FSTL5: variants seen among roughly 807,000 people sequenced by gnomAD.
FSTL5 encodes follistatin-related protein 5.
In FSTL5, 62 loss-of-function variants were observed where a neutral mutation model predicts 89.1. The ratio of observed to expected loss-of-function variants is 0.70; its 90% CI spans 0.57 to 0.86. FSTL5 has a LOEUF of 0.86. Among genes scored for constraint, FSTL5 ranks in the 40% least tolerant of loss-of-function variants. The probability of loss-of-function intolerance (pLI) is 0.00; values close to 1 mark genes in which losing one functional copy is unlikely to be tolerated. For synonymous variants in FSTL5, 383 were observed against 346.2 expected (o/e 1.11, Z -1.18); for missense variants, 1,057 against 1,001.6 (o/e 1.06, Z -0.75).
intron 4 of FSTL5, among the ~76,000 whole-genome samples, chr4:161,792,305 T>C (rs1180024642): frequency 6.6e-6 from 1 of 151,326 alleles, no homozygotes; most frequent in Non-Finnish European, 1.5e-5. Flanking sequence ...GGATGGGGGG[T>C]TGAGGGCAAC....
chr4:161,745,737 T>G (rs1165157581), intron 6 of FSTL5, among the ~76,000 whole-genome samples: 2 of 151,976 alleles, frequency 1.3e-5, no homozygotes, highest in African/African-American at 4.8e-5. Flanking sequence ...ATTTTATATA[T>G]CCTAGCAAAT....
At chr4:161,543,387 T>A (rs1731899442) in intron 8 of FSTL5, among the ~76,000 whole-genome samples, 1 of 151,856 alleles carries the variant, frequency 6.6e-6, no homozygotes, top group Non-Finnish European at 1.5e-5. Context: ...ACTCCCAAGT[T>A]GACAAAGACA....
Position 162,001,060 on chromosome 4 carries a change from CACAA to C in FSTL5, c.160+32561_160+32564del, listed in dbSNP as rs1183705243. Among the ~76,000 whole-genome samples, 4 of 152,332 alleles carry C rather than the reference CACAA, an allele frequency of 2.6e-5. No individual in the cohort carries two copies. In the South Asian group the frequency reaches 6.2e-4, roughly 24 times the overall value. The stretch of plus-strand genomic sequence containing the variant: ...ATGCATCTTAAACTAAGTGGACCAG[CACAA>C]ACAGTTTTTAATTAGGTTTCAAAAA... On this transcript the variant is annotated intron_variant, in intron 3 of 15. Coordinates refer to ENST00000306100, the MANE Select transcript of FSTL5 (RefSeq NM_020116.5).
intron 3 of FSTL5, among the ~76,000 whole-genome samples, chr4:161,969,670 C>A (rs145889452): frequency 3.9e-4 from 59 of 152,178 alleles, no homozygotes; most frequent in African/African-American, 1.4e-3. Context: ...ATAATCCACA[C>A]GTATTTCCTG....
At chr4:161,927,016 A>G (rs1425604952) in intron 3 of FSTL5, among the ~76,000 whole-genome samples, 2 of 151,818 alleles carry the variant, frequency 1.3e-5, no homozygotes, top group Non-Finnish European at 1.5e-5. Flanking sequence ...GATAACTAAG[A>G]TTTGTGAATA....
At chr4:161,560,585 A>AT (rs1165145069) in intron 8 of FSTL5, among the ~76,000 whole-genome samples, 7 of 151,734 alleles carry the variant, frequency 4.6e-5, no homozygotes, top group African/African-American at 1.7e-4. Flanking sequence ...TGTTTATACA[A>AT]TTTTTTAATT....
chr4:161,430,171 C>T (rs1732307365), intron 15 of FSTL5, among the ~76,000 whole-genome samples: 1 of 151,224 alleles, frequency 6.6e-6, no homozygotes, highest in Non-Finnish European at 1.5e-5. Context: ...AGCTTGAAGA[C>T]AGGCTATTTG....
At chr4:162,109,985 A>G (rs943240716) in intron 2 of FSTL5, among the ~76,000 whole-genome samples, 1 of 152,024 alleles carries the variant, frequency 6.6e-6, no homozygotes, top group Non-Finnish European at 1.5e-5. Flanking sequence ...TTATTAGTCC[A>G]TGAGGTAGGA....
intron 6 of FSTL5, among the ~76,000 whole-genome samples, chr4:161,706,768 T>A (rs574583889): frequency 8.0e-4 from 121 of 152,172 alleles, no homozygotes; most frequent in African/African-American, 2.2e-3. Context: ...TATCACTACT[T>A]AAAAGAGAAA....
intron 15 of FSTL5, among the ~76,000 whole-genome samples, chr4:161,417,468 C>A (rs1246229716): frequency 1.3e-5 from 2 of 152,176 alleles, no homozygotes; most frequent in Non-Finnish European, 2.9e-5. Flanking sequence ...ATGCTTTATT[C>A]TTTCCTGGCA....
chr4:161,599,731 T>C (rs529386637), intron 7 of FSTL5, among the ~76,000 whole-genome samples: 19 of 152,238 alleles, frequency 1.2e-4, no homozygotes, highest in Admixed American at 7.9e-4. Context: ...TATATGGCCA[T>C]ATATTTCTGT....
chr4:161,621,359 T>C lies in FSTL5; in HGVS notation c.895-33784A>G, dbSNP rs184681653. On this transcript the variant is annotated intron_variant, in intron 7 of 15. Coordinates refer to ENST00000306100, the MANE Select transcript of FSTL5 (RefSeq NM_020116.5). ...CAATTACAAGTGAAGTTAGAAAATA[T>C]GTCAAACTAAATAATCATTGAAATA... Among the ~76,000 whole-genome samples the C allele has an allele frequency of 6.4e-3, 976 of 151,618 alleles. 5 individuals are homozygous for C. The highest frequency in any genetic ancestry group is 0.038 in the Middle Eastern group (11 of 290).
chr4:161,597,327 G>T (rs1734051174), intron 7 of FSTL5, among the ~76,000 whole-genome samples: 1 of 151,896 alleles, frequency 6.6e-6, no homozygotes, highest in Admixed American at 6.6e-5. Context: ...GTTTGTCAAA[G>T]ATCAGATAGT....
At chr4:162,064,534 G>C (rs1738826255) in intron 2 of FSTL5, among the ~76,000 whole-genome samples, 1 of 152,024 alleles carries the variant, frequency 6.6e-6, no homozygotes, top group Non-Finnish European at 1.5e-5. Context: ...ATTTGAGTGA[G>C]GATATTGGTC....
chr4:161,526,950 G>A (rs1318970323), intron 10 of FSTL5, among the ~76,000 whole-genome samples: 4 of 151,988 alleles, frequency 2.6e-5, no homozygotes, highest in Non-Finnish European at 1.5e-5. Flanking sequence ...GGTGCCATAT[G>A]AACTTTAGTT....
At chr4:161,584,072 C>A (rs1408946065) in intron 8 of FSTL5, among the ~76,000 whole-genome samples, 1 of 152,162 alleles carries the variant, frequency 6.6e-6, no homozygotes, top group Non-Finnish European at 1.5e-5. Flanking sequence ...TCAACCACAA[C>A]AGAAGGAAAA....
intron 6 of FSTL5, among the ~76,000 whole-genome samples, chr4:161,743,562 T>C (rs1000256435): frequency 6.6e-6 from 1 of 152,068 alleles, no homozygotes; most frequent in African/African-American, 2.4e-5. Context: ...GAACTTTAGT[T>C]TTTTTTTCTA....
rs773925512 is a variant in FSTL5, at chr4:161,383,939, TACAG to T, written c.*1804_*1807del. The T allele has an allele frequency of 2.6e-5, 4 of 152,152 alleles. No homozygotes were observed. In the East Asian group the frequency reaches 7.7e-4, roughly 29 times the overall value. The allele number at this position is 152,152 out of a possible 1,614,324, so 9.4% of individuals were successfully genotyped here. A position where few individuals can be genotyped will look rare whatever the true frequency, so the allele number is the denominator to read the frequency against. ...TATTCTCCTTTTATCAAGCAGTGTC[TACAG>T]ACAGAGCATCCACATGGTGTAAGCT... On this transcript the variant is annotated 3_prime_UTR_variant, in exon 16 of 16. Transcript: ENST00000306100.
intron 3 of FSTL5, among the ~76,000 whole-genome samples, chr4:161,935,807 C>A (rs1208466540): frequency 6.6e-6 from 1 of 152,152 alleles, no homozygotes; most frequent in African/African-American, 2.4e-5. Flanking sequence ...TGAATCTACA[C>A]ATGCTTCACA....
Sources: gnomAD v4.1 joint callset for allele counts (sites outside exome capture counted in the v4.1 genomes callset) on GRCh38, gnomAD v4.1.1 for gene constraint, MANE v1.5 for transcripts, NCBI Gene and HGNC (gene_info 2026-07-23, HGNC 2026-07-21) for gene names.